The following FRMD3 variants were observed in gnomAD, a reference collection of about 807,000 sequenced individuals.
FRMD3 encodes the protein FERM domain-containing protein 3.
FRMD3 carries 33 observed loss-of-function variants against 70.2 expected under a neutral mutation model. The observed-to-expected ratio is 0.47, with a 90% confidence interval of 0.36 to 0.63. FRMD3 has a LOEUF of 0.63. Among genes scored for constraint, FRMD3 ranks in the 20% least tolerant of loss-of-function variants. FRMD3 has a pLI of 0.00. For missense variants in FRMD3, 632 were observed against 711.4 expected (o/e 0.89, Z 1.27); for synonymous variants, 279 against 255.9 (o/e 1.09, Z -0.86).
intron 5 of FRMD3, among the ~76,000 whole-genome samples, chr9:83,336,805 T>C (rs911246831): frequency 1.3e-5 from 2 of 151,370 alleles, no homozygotes; most frequent in African/African-American, 2.4e-5. Context: ...TTAGGTTTCC[T>C]ACACCAAGGG....
At chr9:83,503,266 A>G (rs1829112787) in intron 1 of FRMD3, among the ~76,000 whole-genome samples, 1 of 152,198 alleles carries the variant, frequency 6.6e-6, no homozygotes, top group South Asian at 2.1e-4. Flanking sequence ...TATACCCTAT[A>G]GTCCTTAAAA....
At chr9:83,493,924 C>T (rs1309368405) in intron 1 of FRMD3, among the ~76,000 whole-genome samples, 2 of 152,194 alleles carry the variant, frequency 1.3e-5, no homozygotes, top group African/African-American at 4.8e-5. Context: ...TGTGATGGCG[C>T]CTCCCACCAG....
rs1346862568 is a variant in FRMD3, at chr9:83,247,862, G to GA, written c.*55dup. ...GACCCTTCAGAACCAGGCATTTGCT[G>GA]AAAAAAAGAAATCACTAGCATTGAA... On this transcript the variant is annotated 3_prime_UTR_variant, in exon 14 of 14. Transcript: ENST00000304195. 1.4e-5 allele frequency: 22 copies of GA among 1,575,114 alleles called. No individual in the cohort carries two copies. Among genetic ancestry groups the GA allele is most frequent in the African/African-American group, 4.1e-5 (3 of 73,556 alleles).
chr9:83,562,379 C>A, the FRMD3 span, among the ~76,000 whole-genome samples: 1 of 152,184 alleles, frequency 6.6e-6, no homozygotes, highest in African/African-American at 2.4e-5. Context: ...CAAACCCCAA[C>A]TGACCAAGGT....
intron 2 of FRMD3, among the ~76,000 whole-genome samples, chr9:83,375,547 G>T (rs908012206): frequency 6.6e-6 from 1 of 152,206 alleles, no homozygotes; most frequent in African/African-American, 2.4e-5. Context: ...GGAATTACAG[G>T]AAATCATTTC....
chr9:83,390,789 T>C (rs1825645917), intron 1 of FRMD3, among the ~76,000 whole-genome samples: 1 of 152,232 alleles, frequency 6.6e-6, no homozygotes, highest in Non-Finnish European at 1.5e-5. Context: ...ATGTGACCTA[T>C]TAAAATATAT....
intron 13 of FRMD3, among the ~76,000 whole-genome samples, chr9:83,251,300 AAAAC>A (rs1183457035): frequency 1.3e-5 from 2 of 152,244 alleles, no homozygotes; most frequent in Non-Finnish European, 2.9e-5. Context: ...TGTTAAAAGA[AAAAC>A]AAACAAACAG....
intron 1 of FRMD3, among the ~76,000 whole-genome samples, chr9:83,531,903 C>T (rs1829798633): frequency 6.6e-6 from 1 of 152,166 alleles, no homozygotes; most frequent in Non-Finnish European, 1.5e-5. Flanking sequence ...AGTTGAAGAA[C>T]AGGAGGCCCA....
chr9:83,418,108 G>C (rs1826510057), intron 1 of FRMD3, among the ~76,000 whole-genome samples: 2 of 147,954 alleles, frequency 1.4e-5, no homozygotes, highest in South Asian at 4.4e-4. Context: ...AAGGGGGAGA[G>C]ACACTGGGGT....
the FRMD3 span, among the ~76,000 whole-genome samples, chr9:83,559,708 A>G: frequency 1.3e-5 from 2 of 152,220 alleles, no homozygotes; most frequent in Non-Finnish European, 2.9e-5. Context: ...TCAAGTATAA[A>G]TCTTGATATC....
In FRMD3 at chr9:83,349,731, TA is replaced by T; in HGVS notation, c.321del (p.Phe107LeufsTer3). 6.2e-7 allele frequency: 1 copy of T among 1,612,140 alleles called. No individual in the cohort carries two copies. Among genetic ancestry groups the T allele is most frequent in the South Asian group, 1.1e-5 (1 of 90,702 alleles). On this transcript the variant is annotated frameshift_variant, in exon 4 of 14. Transcript: ENST00000304195. LOFTEE classifies it high-confidence loss of function. ...MKTHPPYTMCFRVKFYPHEPL... is the reference protein window; with the variant it reads ...MKTHPPYTMCXRVKFYPHEPL... ...GGTTCATGTGGGTAGAATTTCACTCTAAAGCACATGGTGTATGGTGGATGAG... is the reference window on the plus strand; with the variant it reads ...GGTTCATGTGGGTAGAATTTCACTCTAAGCACATGGTGTATGGTGGATGAG...
At chr9:83,342,712 A>C (rs544314218) in intron 5 of FRMD3, among the ~76,000 whole-genome samples, 1 of 146,212 alleles carries the variant, frequency 6.8e-6, no homozygotes, top group South Asian at 2.2e-4. Context: ...AGATAGATAG[A>C]TAGATAGATA....
At chr9:83,514,591 T>C (rs76129317) in intron 1 of FRMD3, among the ~76,000 whole-genome samples, 7,030 of 152,262 alleles carry the variant, frequency 0.046, 245 homozygotes, top group South Asian at 0.11. Flanking sequence ...AGGGATCTCC[T>C]AGCACAGTGC....
chr9:83,362,746 TC>T (rs1824635031), intron 3 of FRMD3, among the ~76,000 whole-genome samples: 1 of 150,438 alleles, frequency 6.6e-6, no homozygotes, highest in Admixed American at 6.6e-5. Flanking sequence ...CTTCCTTCCT[TC>T]TCTCCTTCCT....
At chr9:83,370,147 C>T (rs1361479405) in intron 3 of FRMD3, among the ~76,000 whole-genome samples, 2 of 152,172 alleles carry the variant, frequency 1.3e-5, no homozygotes, top group Non-Finnish European at 2.9e-5. Context: ...CCATTGCCTA[C>T]TGAAAGGTGA....
chr9:83,520,305 C>A (rs1296827848), intron 1 of FRMD3, among the ~76,000 whole-genome samples: 1 of 152,130 alleles, frequency 6.6e-6, no homozygotes, highest in Non-Finnish European at 1.5e-5. Flanking sequence ...TAAGTTCTCT[C>A]TGAAAATAAA....
intron 1 of FRMD3, among the ~76,000 whole-genome samples, chr9:83,447,265 T>C (rs1827506261): frequency 6.6e-6 from 1 of 152,184 alleles, no homozygotes; most frequent in African/African-American, 2.4e-5. Flanking sequence ...CCTTGTGATC[T>C]GCCCACCTCG....
At chr9:83,578,657 G>A in the FRMD3 span, among the ~76,000 whole-genome samples, 1 of 151,844 alleles carries the variant, frequency 6.6e-6, no homozygotes, top group South Asian at 2.1e-4. Context: ...ACTCTTAACA[G>A]ATTAGGTACA....
At chr9:83,490,792 T>TCA (rs1316287299) in intron 1 of FRMD3, among the ~76,000 whole-genome samples, 106 of 119,394 alleles carry the variant, frequency 8.9e-4, no homozygotes, top group East Asian at 2.8e-3. Context: ...TCTCTCTCTC[T>TCA]CTCTCTCACA....
Sources: gnomAD v4.1 joint callset for allele counts (sites outside exome capture counted in the v4.1 genomes callset) on GRCh38, gnomAD v4.1.1 for gene constraint, MANE v1.5 for transcripts, NCBI Gene and HGNC (gene_info 2026-07-23, HGNC 2026-07-21) for gene names.